MPP7: variants seen among roughly 807,000 people sequenced by gnomAD.
MPP7 encodes MAGUK p55 scaffold protein 7.
MPP7 carries 60 observed loss-of-function variants against 76.5 expected under a neutral mutation model. The observed-to-expected ratio is 0.78, with a 90% confidence interval of 0.64 to 0.97. The LOEUF (loss-of-function observed/expected upper bound fraction) is 0.97, where lower values mean the gene tolerates loss of function less well. Among genes scored for constraint, MPP7 ranks in the 50% least tolerant of loss-of-function variants. The pLI is 0.00. For missense variants in MPP7, 641 were observed against 694.0 expected (o/e 0.92, Z 0.86); for synonymous variants, 237 against 244.5 (o/e 0.97, Z 0.29).
chr10:28,311,387 A>T (rs569169194), intron 2 of MPP7, among the ~76,000 whole-genome samples: 1 of 152,304 alleles, frequency 6.6e-6, no homozygotes, highest in East Asian at 1.9e-4. Flanking sequence ...CTCTATACCA[A>T]TTTATATGTG....
intron 11 of MPP7, among the ~76,000 whole-genome samples, chr10:28,097,913 C>G (rs2133494525): frequency 6.6e-6 from 1 of 152,198 alleles, no homozygotes; most frequent in Non-Finnish European, 1.5e-5. Context: ...AAAATAAAGA[C>G]TTTTTGCAAG....
At chr10:28,275,574 T>G (rs1373464027) in intron 1 of MPP7, among the ~76,000 whole-genome samples, 1 of 151,992 alleles carries the variant, frequency 6.6e-6, no homozygotes, top group Non-Finnish European at 1.5e-5. Flanking sequence ...GCCTGGCTAA[T>G]TTTTATATTT....
At chr10:28,075,079 G>A (rs1852424429) in intron 12 of MPP7, among the ~76,000 whole-genome samples, 1 of 152,034 alleles carries the variant, frequency 6.6e-6, no homozygotes, top group African/African-American at 2.4e-5. Context: ...GGAGTGAGGT[G>A]TCTCATATGG....
At chr10:28,203,262 T>C (rs1837839668) in intron 2 of MPP7, 1 of 152,160 alleles carries the variant, frequency 6.6e-6, no homozygotes, top group African/African-American at 2.4e-5. Context: ...GTGCTGCTGT[T>C]CATCACAGGG....
At chr10:28,238,103 A>G (rs1839138340) in intron 2 of MPP7, among the ~76,000 whole-genome samples, 1 of 152,166 alleles carries the variant, frequency 6.6e-6, no homozygotes, top group South Asian at 2.1e-4. Context: ...CAATTTCAGG[A>G]TAGTTTTACC....
chr10:28,095,425 T>C (rs569405617), intron 11 of MPP7, among the ~76,000 whole-genome samples: 69 of 152,050 alleles, frequency 4.5e-4, no homozygotes, highest in African/African-American at 1.4e-3. Flanking sequence ...CTAGATTCTG[T>C]CCCCCATGGG....
chr10:28,171,088 AATT>A (rs1382653336), intron 3 of MPP7, among the ~76,000 whole-genome samples: 15 of 152,180 alleles, frequency 9.9e-5, no homozygotes, highest in African/African-American at 3.4e-4. Flanking sequence ...CAAAAACACA[AATT>A]AATAAGTGTC....
chr10:28,253,201 C>T (rs944939991), intron 1 of MPP7, among the ~76,000 whole-genome samples: 2 of 152,072 alleles, frequency 1.3e-5, no homozygotes, highest in Non-Finnish European at 2.9e-5. Flanking sequence ...CCACGATACC[C>T]GGCCTCATCT....
intron 2 of MPP7, among the ~76,000 whole-genome samples, chr10:28,219,858 A>G (rs12264621): frequency 0.02 from 3,048 of 152,228 alleles, 108 homozygotes; most frequent in African/African-American, 0.067. Flanking sequence ...AGGTAAAATA[A>G]TCAGCACTGT....
At chr10:28,105,756 C>T (rs754743262) in intron 11 of MPP7, among the ~76,000 whole-genome samples, 31 of 152,154 alleles carry the variant, frequency 2.0e-4, no homozygotes, top group Non-Finnish European at 1.3e-4. Flanking sequence ...GATCCACTGG[C>T]CTTGGCTTCC....
chr10:28,111,551 T>C (rs544859270), intron 11 of MPP7, among the ~76,000 whole-genome samples: 65 of 152,250 alleles, frequency 4.3e-4, no homozygotes, highest in Middle Eastern at 3.4e-3. Context: ...TTAAAAGAAA[T>C]TTCTCGATAA....
chr10:28,334,885 A>T (rs1834502087), upstream of MPP7, among the ~76,000 whole-genome samples: 1 of 152,228 alleles, frequency 6.6e-6, no homozygotes, highest in Non-Finnish European at 1.5e-5. Flanking sequence ...GTTGTGTAAC[A>T]AATTACCCCA....
At chr10:28,231,907 T>C (rs1412103087) in intron 2 of MPP7, among the ~76,000 whole-genome samples, 1 of 152,072 alleles carries the variant, frequency 6.6e-6, no homozygotes, top group South Asian at 2.1e-4. Context: ...CGGTAAAGAA[T>C]GAAAAAGTGA....
intron 1 of MPP7, among the ~76,000 whole-genome samples, chr10:28,275,456 G>C (rs966270085): frequency 2.6e-5 from 4 of 151,258 alleles, no homozygotes; most frequent in East Asian, 1.9e-4. Context: ...ACCCAGGCTG[G>C]AGTGCAATGG....
At chr10:28,153,176 C>T (rs944326306) in intron 3 of MPP7, among the ~76,000 whole-genome samples, 1 of 152,058 alleles carries the variant, frequency 6.6e-6, no homozygotes, top group Non-Finnish European at 1.5e-5. Flanking sequence ...ATGGCTTGAA[C>T]CCGGAAGGCG....
chr10:28,195,898 A>C (rs1456028623), intron 3 of MPP7, among the ~76,000 whole-genome samples: 2 of 152,156 alleles, frequency 1.3e-5, no homozygotes, highest in Non-Finnish European at 2.9e-5. Context: ...TATACTAAAA[A>C]CCACTGAATT....
Position 28,230,471 on chromosome 10 carries a change from T to C in MPP7, c.37+8097A>G, listed in dbSNP as rs531945107. On this transcript the variant is annotated intron_variant, in intron 2 of 16. Transcript: ENST00000683449. ...GAAAAAAAAAGTATATACTTCAATA[T>C]AAAATTTATTTAAAAGGCTTAATAT... is the stretch of plus-strand genomic sequence containing the variant. Among the ~76,000 whole-genome samples the C allele has an allele frequency of 2.6e-5, 4 of 152,168 alleles. No individual in the cohort carries two copies. The East Asian group carries it at 7.7e-4, about 29-fold the overall frequency.
At chr10:28,268,918 CA>C (rs1010793009) in intron 1 of MPP7, among the ~76,000 whole-genome samples, 1 of 140,336 alleles carries the variant, frequency 7.1e-6, no homozygotes, top group Non-Finnish European at 1.6e-5. Context: ...GACTCCGTCT[CA>C]AAAAAAAACA....
chr10:28,253,018 CT>C (rs1474342938), intron 1 of MPP7, among the ~76,000 whole-genome samples: 2 of 152,120 alleles, frequency 1.3e-5, no homozygotes, highest in African/African-American at 4.8e-5. Context: ...AGCGATTCTC[CT>C]TCCTCAGCCT....
Sources: allele counts gnomAD v4.1 joint callset (sites outside exome capture counted in the v4.1 genomes callset), GRCh38; gene constraint gnomAD v4.1.1; transcripts MANE v1.5; gene names NCBI Gene and HGNC (gene_info 2026-07-23, HGNC 2026-07-21).